The following DAPK2 variants were observed in gnomAD, a reference collection of about 807,000 sequenced individuals.
The protein encoded by DAPK2 is death-associated protein kinase 2.
In DAPK2, 35 loss-of-function variants were observed where a neutral mutation model predicts 44.1. That is an observed-to-expected ratio of 0.79 (90% CI 0.61 to 1.05). DAPK2 has a LOEUF of 1.05. Among genes scored for constraint, DAPK2 ranks in the 50% least tolerant of loss-of-function variants. The pLI is 0.00. For synonymous variants in DAPK2, 174 were observed against 182.6 expected, an observed-to-expected ratio of 0.95 and a Z score of 0.38; for missense variants, 453 against 483.2, an observed-to-expected ratio of 0.94 and a Z score of 0.59.
intron 1 of DAPK2, among the ~76,000 whole-genome samples, chr15:63,985,237 C>T (rs1361706022): frequency 6.6e-6 from 1 of 152,246 alleles, no homozygotes; most frequent in Non-Finnish European, 1.5e-5. Context: ...ACATCGTCCA[C>T]TGACTCTAAA....
At chr15:64,002,641 C>A (rs781419072) in intron 1 of DAPK2, among the ~76,000 whole-genome samples, 3 of 152,144 alleles carry the variant, frequency 2.0e-5, no homozygotes, top group Non-Finnish European at 2.9e-5. Flanking sequence ...CATAGCAATG[C>A]AAGTGAATAT....
intron 1 of DAPK2, among the ~76,000 whole-genome samples, chr15:64,014,947 T>C (rs2141041135): frequency 6.7e-6 from 1 of 150,128 alleles, no homozygotes; most frequent in South Asian, 2.1e-4. Flanking sequence ...AAAAAAACAT[T>C]CTGACATTGT....
chr15:63,998,257 C>T (rs548794710), intron 1 of DAPK2, among the ~76,000 whole-genome samples: 1 of 152,282 alleles, frequency 6.6e-6, no homozygotes, highest in African/African-American at 2.4e-5. Flanking sequence ...AGAAAATCAC[C>T]TCCGTCCTCA....
At chr15:63,962,029 C>CT (rs910439127) in intron 3 of DAPK2, among the ~76,000 whole-genome samples, 4 of 152,102 alleles carry the variant, frequency 2.6e-5, no homozygotes, top group African/African-American at 9.7e-5. Context: ...TTCTTGGAGG[C>CT]TTTTTTTGTT....
chr15:63,910,539 T>A (rs2078759812), intron 10 of DAPK2: 1 of 152,250 alleles, frequency 6.6e-6, no homozygotes, highest in Non-Finnish European at 1.5e-5. Context: ...TTTTTTAATT[T>A]TGAAACTTAA....
At chr15:63,962,002 T>G (rs2077914857) in intron 3 of DAPK2, among the ~76,000 whole-genome samples, 1 of 152,222 alleles carries the variant, frequency 6.6e-6, no homozygotes, top group African/African-American at 2.4e-5. Context: ...GATTTGGTCT[T>G]TTCACGTAGT....
At chr15:63,922,924 C>T in intron 8 of DAPK2, 1 of 1,535,946 alleles carries the variant, frequency 6.5e-7, no homozygotes, top group Non-Finnish European at 8.7e-7. Flanking sequence ...GAATCTCAAA[C>T]TGGGCTTGCA....
At chr15:63,965,996 A>G (rs2078044483) in intron 3 of DAPK2, among the ~76,000 whole-genome samples, 1 of 152,124 alleles carries the variant, frequency 6.6e-6, no homozygotes, top group Admixed American at 6.5e-5. Flanking sequence ...CCCCTTTATC[A>G]TTCCCTTTCC....
intron 3 of DAPK2, among the ~76,000 whole-genome samples, chr15:63,956,508 T>C (rs561709565): frequency 2.0e-5 from 3 of 152,112 alleles, no homozygotes; most frequent in African/African-American, 4.8e-5. Flanking sequence ...TGTGTTTGTA[T>C]AGTTTCCAAA....
At chr15:63,915,697 T>C (rs1177033924) in intron 8 of DAPK2, among the ~76,000 whole-genome samples, 1 of 151,510 alleles carries the variant, frequency 6.6e-6, no homozygotes, top group Non-Finnish European at 1.5e-5. Flanking sequence ...TAATGGGAGG[T>C]GATGCAATTC....
At chr15:63,929,700 G>T in intron 5 of DAPK2, 123 bp from the exon 7 acceptor site, 9 of 1,133,680 alleles carry the variant, frequency 7.9e-6, no homozygotes, top group South Asian at 3.8e-5. Flanking sequence ...CCTGGATGCC[G>T]TCTCATGCTC....
chr15:64,023,905 A>G (rs989350458), intron 1 of DAPK2, among the ~76,000 whole-genome samples: 1 of 152,216 alleles, frequency 6.6e-6, no homozygotes, highest in Non-Finnish European at 1.5e-5. Context: ...TTTGTTTAAG[A>G]AAAACTTTAA....
At chr15:64,010,065 A>AAGAAGC (rs770736053) in intron 1 of DAPK2, among the ~76,000 whole-genome samples, 2 of 152,182 alleles carry the variant, frequency 1.3e-5, no homozygotes, top group Non-Finnish European at 2.9e-5. Context: ...TGATGGTATA[A>AAGAAGC]ACCAGTGTTT....
intron 2 of DAPK2, 96 bp downstream of exon 3, chr15:63,983,437 G>A: frequency 8.7e-7 from 1 of 1,143,320 alleles, no homozygotes; most frequent in Non-Finnish European, 1.3e-6. Context: ...CTTAGGCCTG[G>A]TTGCTGCTGC....
rs1352517803 is a variant in DAPK2, at chr15:63,980,115, C to T, written c.314+3418G>A. On this transcript the variant is annotated intron_variant, in intron 2 of 10. Coordinates refer to ENST00000261891, the Ensembl canonical transcript of DAPK2. This position sits in a 1 kb window ranked among gnomAD's most constrained non-coding sequence, Gnocchi z 4.3. ...TTGGAAGTGAAGGGGGAGACAGAAACGGGACAGAACTTAATAAGCACAGAG... is the reference window on the plus strand; with the variant it reads ...TTGGAAGTGAAGGGGGAGACAGAAATGGGACAGAACTTAATAAGCACAGAG... Among the ~76,000 whole-genome samples the T allele has an allele frequency of 6.6e-6, 1 of 152,032 alleles. No individual in the cohort carries two copies. The highest frequency in any genetic ancestry group is 1.5e-5 in the Non-Finnish European group (1 of 68,024).
intron 4 of DAPK2, among the ~76,000 whole-genome samples, chr15:63,935,313 G>A (rs1243592605): frequency 6.6e-6 from 1 of 151,556 alleles, no homozygotes; most frequent in African/African-American, 2.4e-5. Context: ...CTGGTCTCGA[G>A]CTCCTGACCT....
In DAPK2 at chr15:64,036,461, C is replaced by T. The variant is rs181780996; in HGVS notation, c.92+3709G>A. Among the ~76,000 whole-genome samples the T allele has an allele frequency of 3.4e-3, 519 of 150,764 alleles. 2 individuals are homozygous for T. Among genetic ancestry groups the T allele is most frequent in the Middle Eastern group, 0.014 (4 of 290 alleles). On this transcript the variant is annotated intron_variant, in intron 1 of 10. Coordinates refer to ENST00000261891, the Ensembl canonical transcript of DAPK2. ...TGAAACAGACACCCAGATCAAGAAACAGAATACAGCACCCCAGAAATCCCT... is the reference window on the plus strand; with the variant it reads ...TGAAACAGACACCCAGATCAAGAAATAGAATACAGCACCCCAGAAATCCCT...
chr15:64,016,861 AAGGAAGG>A (rs1234805822), intron 1 of DAPK2, among the ~76,000 whole-genome samples: 2 of 138,770 alleles, frequency 1.4e-5, no homozygotes, highest in Non-Finnish European at 3.3e-5. Flanking sequence ...GGAAGGAAGG[AAGGAAGG>A]AAGGAAGGAA....
chr15:64,020,616 C>T lies in DAPK2; in HGVS notation c.92+19554G>A, dbSNP rs1197392261. On this transcript the variant is annotated intron_variant, in intron 1 of 10. Coordinates refer to ENST00000261891, the Ensembl canonical transcript of DAPK2. The surrounding 1 kb of genome is among the most constrained non-coding windows in gnomAD (Gnocchi z 4.5). ...GGATTTATAGTTGACAAAAGAGACA[C>T]ACCCATTTGATAGCGAAAAGAAATC... Among the ~76,000 whole-genome samples the T allele has an allele frequency of 3.3e-5, 5 of 152,210 alleles. No homozygotes were observed. The highest frequency in any genetic ancestry group is 7.2e-5 in the African/African-American group (3 of 41,452).
Sources: allele counts gnomAD v4.1 joint callset (sites outside exome capture counted in the v4.1 genomes callset), GRCh38; gene constraint gnomAD v4.1.1; non-coding constraint Gnocchi (gnomAD v3.1); transcripts MANE v1.5; gene names NCBI Gene and HGNC (gene_info 2026-07-23, HGNC 2026-07-21).